FER1L6: variants seen among roughly 807,000 people sequenced by gnomAD.
FER1L6 encodes the protein fer-1-like protein 6.
Under a neutral mutation model 219.2 loss-of-function variants are expected in FER1L6, and 177 were observed. The observed-to-expected ratio is 0.81, with a 90% confidence interval of 0.71 to 0.91. The LOEUF (loss-of-function observed/expected upper bound fraction) is 0.91, where lower values mean the gene tolerates loss of function less well. Among genes scored for constraint, FER1L6 ranks in the 40% least tolerant of loss-of-function variants. The probability of loss-of-function intolerance (pLI) is 0.00; values close to 1 mark genes in which losing one functional copy is unlikely to be tolerated. For missense variants in FER1L6, 2,153 were observed against 2,259.9 expected (o/e 0.95, Z 0.96); for synonymous variants, 768 against 824.3 (o/e 0.93, Z 1.17).
At chr8:123,966,857 G>A (rs1289152285) in intron 5 of FER1L6, among the ~76,000 whole-genome samples, 3 of 152,036 alleles carry the variant, frequency 2.0e-5, no homozygotes, top group South Asian at 2.1e-4. Context: ...CACGGCGTGC[G>A]GATCACGAGC....
intron 5 of FER1L6, among the ~76,000 whole-genome samples, chr8:123,969,788 C>A (rs1406619812): frequency 1.3e-5 from 2 of 151,178 alleles, no homozygotes; most frequent in Non-Finnish European, 2.9e-5. Flanking sequence ...ATTACTTGAG[C>A]CCTGGGAGGT....
At chr8:123,908,934 A>G (rs945074195) in intron 1 of FER1L6, among the ~76,000 whole-genome samples, 17 of 152,240 alleles carry the variant, frequency 1.1e-4, no homozygotes, top group African/African-American at 3.9e-4. Context: ...GGTCAAGCGT[A>G]TCACTATTAT....
Position 124,076,296 on chromosome 8 carries a change from C to G in FER1L6, c.4191C>G (p.Ile1397Met). Residue 1397 changes from isoleucine to methionine, a missense_variant, in exon 32 of 41, where the codon ATC (isoleucine) becomes ATG (methionine). Physicochemically the swap from Ile to Met is conservative, Grantham distance 10 (BLOSUM62 1). Coordinates refer to ENST00000522917, the MANE Select transcript of FER1L6 (RefSeq NM_001039112.2). Reference protein sequence around the residue: ...KTEIKDRDKYIPKQLNPVFGR... With the variant: ...KTEIKDRDKYMPKQLNPVFGR... ...AAATCAAAGACCGGGATAAATACATCCCTAAACAACTGAACCCAGTATTTG... is the reference window on the plus strand; with the variant it reads ...AAATCAAAGACCGGGATAAATACATGCCTAAACAACTGAACCCAGTATTTG... 6.2e-7 allele frequency: 1 copy of G among 1,613,710 alleles called. No individual in the cohort carries two copies. The highest frequency in any genetic ancestry group is 1.3e-5 in the African/African-American group (1 of 75,046).
At chr8:124,010,769 G>A in intron 14 of FER1L6, 55 bp downstream of exon 14, 1 of 1,597,372 alleles carries the variant, frequency 6.3e-7, no homozygotes, top group Non-Finnish European at 8.5e-7. Flanking sequence ...GTGGGGGAAG[G>A]GATTTTTAAA....
chr8:124,109,389 T>G (rs1351513738), intron 39 of FER1L6, among the ~76,000 whole-genome samples: 2 of 152,178 alleles, frequency 1.3e-5, no homozygotes, highest in Non-Finnish European at 2.9e-5. Flanking sequence ...GAAGGGAAGA[T>G]GGAGCCGCCT....
chr8:124,094,608 C>T (rs1277419331), intron 34 of FER1L6, among the ~76,000 whole-genome samples: 2 of 152,080 alleles, frequency 1.3e-5, no homozygotes, highest in East Asian at 3.9e-4. Context: ...GCCTCAGCCT[C>T]CTGAGTAGCT....
chr8:123,915,774 A>G (rs1813172004), intron 1 of FER1L6, among the ~76,000 whole-genome samples: 1 of 152,198 alleles, frequency 6.6e-6, no homozygotes, highest in African/African-American at 2.4e-5. Context: ...GGATCAAGGA[A>G]GTCTTCTTAG....
intron 34 of FER1L6, among the ~76,000 whole-genome samples, chr8:124,094,283 T>C (rs1410396429): frequency 6.6e-6 from 1 of 152,132 alleles, no homozygotes; most frequent in Non-Finnish European, 1.5e-5. Context: ...CTTGAAGCCA[T>C]GTTTATGATC....
At chr8:123,927,379 A>C (rs937326461) in intron 1 of FER1L6, among the ~76,000 whole-genome samples, 2 of 152,198 alleles carry the variant, frequency 1.3e-5, no homozygotes, top group African/African-American at 4.8e-5. Flanking sequence ...TCTTTCTACT[A>C]TCCAGGTTTC....
At chr8:124,102,587 A>G (rs1586343019) in intron 38 of FER1L6, among the ~76,000 whole-genome samples, 1 of 152,244 alleles carries the variant, frequency 6.6e-6, no homozygotes, top group South Asian at 2.1e-4. Flanking sequence ...AAAAATGGTT[A>G]AAGAGATATA....
chr8:124,107,156 G>C (rs572855024), intron 39 of FER1L6, among the ~76,000 whole-genome samples: 1 of 151,766 alleles, frequency 6.6e-6, no homozygotes, highest in Non-Finnish European at 1.5e-5. Flanking sequence ...CACCATGTTA[G>C]CCAGGATGGT....
chr8:123,865,524 A>T (rs1465069351), intron 1 of FER1L6, among the ~76,000 whole-genome samples: 7 of 151,550 alleles, frequency 4.6e-5, no homozygotes, highest in South Asian at 2.1e-4. Flanking sequence ...TTGAGCTTCC[A>T]GGCTGCTTTG....
chr8:123,927,539 G>A (rs1314128069), intron 1 of FER1L6, among the ~76,000 whole-genome samples: 1 of 152,146 alleles, frequency 6.6e-6, no homozygotes, highest in African/African-American at 2.4e-5. Context: ...TGGAATTTTG[G>A]CTTGTCAAAT....
chr8:123,904,698 T>C (rs1812920896), intron 1 of FER1L6, among the ~76,000 whole-genome samples: 1 of 152,186 alleles, frequency 6.6e-6, no homozygotes, highest in Non-Finnish European at 1.5e-5. Context: ...TCTTCCACTG[T>C]TACACAGTGA....
chr8:123,951,515 C>A (rs1400087977), intron 1 of FER1L6, among the ~76,000 whole-genome samples: 1 of 152,000 alleles, frequency 6.6e-6, no homozygotes, highest in Non-Finnish European at 1.5e-5. Context: ...TGAATATATC[C>A]CAGTCTTAGA....
At chr8:123,876,583 C>T (rs931335602) in intron 1 of FER1L6, among the ~76,000 whole-genome samples, 3 of 152,184 alleles carry the variant, frequency 2.0e-5, no homozygotes, top group Admixed American at 2.0e-4. Context: ...CCTTTGGCCT[C>T]CCAAAGTGCT....
intron 16 of FER1L6, among the ~76,000 whole-genome samples, chr8:124,020,953 G>A (rs1417517181): frequency 6.6e-6 from 1 of 152,130 alleles, no homozygotes; most frequent in East Asian, 1.9e-4. Flanking sequence ...ATAAAGGAAA[G>A]AGGTTTAATT....
intron 1 of FER1L6, among the ~76,000 whole-genome samples, chr8:123,884,711 G>A (rs1257377723): frequency 2.0e-5 from 3 of 150,904 alleles, no homozygotes; most frequent in Non-Finnish European, 3.0e-5. Context: ...GGAACCCCCA[G>A]GTTTGGTGCT....
At chr8:124,064,672 G>A in intron 26 of FER1L6, 99 bp downstream of exon 26, 4 of 1,001,428 alleles carry the variant, frequency 4.0e-6, no homozygotes, top group Non-Finnish European at 6.0e-6. Context: ...CCATGGGCAA[G>A]CAGCTTCACA....
Sources: allele counts gnomAD v4.1 joint callset (sites outside exome capture counted in the v4.1 genomes callset), GRCh38; gene constraint gnomAD v4.1.1; transcripts MANE v1.5; gene names NCBI Gene and HGNC (gene_info 2026-07-23, HGNC 2026-07-21).